RBFOX1: variants seen among roughly 807,000 people sequenced by gnomAD.
RBFOX1 encodes the protein RNA binding fox-1 homolog 1.
A neutral mutation model predicts 57.7 loss-of-function variants in RBFOX1; 8 were observed. The observed-to-expected ratio is 0.14, with a 90% CI of 0.08 to 0.25. The LOEUF is 0.25. Among genes scored for constraint, RBFOX1 ranks in the 10% least tolerant of loss-of-function variants. The pLI, the probability that RBFOX1 is intolerant of heterozygous loss-of-function variation, is 1.00. For missense variants in RBFOX1, 611 were observed against 548.5 expected (o/e 1.11, Z -1.14); for synonymous variants, 326 against 222.4 (o/e 1.47, Z -4.15).
intron 4 of RBFOX1, among the ~76,000 whole-genome samples, chr16:7,325,791 C>A (rs936520212): frequency 6.6e-6 from 1 of 152,200 alleles, no homozygotes; most frequent in South Asian, 2.1e-4. Flanking sequence ...GCCATCCTCT[C>A]CTTCACTGGG....
chr16:5,600,673 T>C (rs528367561), downstream of RBFOX1, among the ~76,000 whole-genome samples: 4 of 152,144 alleles, frequency 2.6e-5, no homozygotes, highest in African/African-American at 9.6e-5. Flanking sequence ...TTGGTGCTTG[T>C]CTATTCCCCC....
At chr16:6,129,567 T>C (rs989422132) in intron 1 of RBFOX1, among the ~76,000 whole-genome samples, 28 of 151,822 alleles carry the variant, frequency 1.8e-4, no homozygotes, top group African/African-American at 6.5e-4. Context: ...ATTGAAAGCA[T>C]AGAGGTAGGG....
intron 3 of RBFOX1, among the ~76,000 whole-genome samples, chr16:6,685,089 C>T (rs776171496): frequency 2.0e-5 from 3 of 152,148 alleles, no homozygotes; most frequent in African/African-American, 7.2e-5. Context: ...CATCCCTCAT[C>T]ATTTCCCTAT....
At chr16:7,671,696 C>A (rs148348705) in intron 13 of RBFOX1, 1 of 1,128,842 alleles carries the variant, frequency 8.9e-7, no homozygotes, top group Non-Finnish European at 1.3e-6. Context: ...GGGAACAGTT[C>A]TCTAACATAG....
chr16:5,549,830 G>C (rs2045385883), intron 2 of RBFOX1, among the ~76,000 whole-genome samples: 1 of 152,154 alleles, frequency 6.6e-6, no homozygotes, highest in Admixed American at 6.5e-5. Context: ...TGAGTTACTG[G>C]GAAGGATGGA....
chr16:6,325,245 G>C (rs1429713998), intron 2 of RBFOX1, among the ~76,000 whole-genome samples: 2 of 152,112 alleles, frequency 1.3e-5, no homozygotes, highest in African/African-American at 4.8e-5. Flanking sequence ...TATGGTCCTA[G>C]CTACTTCAGA....
intron 3 of RBFOX1, among the ~76,000 whole-genome samples, chr16:6,782,331 T>C (rs926132481): frequency 6.6e-6 from 1 of 152,184 alleles, no homozygotes; most frequent in Non-Finnish European, 1.5e-5. Flanking sequence ...TAGTACTGCT[T>C]TTGCTGTATC....
At chr16:6,898,835 G>T (rs1459592010) in intron 3 of RBFOX1, among the ~76,000 whole-genome samples, 1 of 151,216 alleles carries the variant, frequency 6.6e-6, no homozygotes, top group African/African-American at 2.4e-5. Context: ...ATGTGTGTAT[G>T]TGTGTGCATG....
At chr16:6,805,433 T>C (rs2086523850) in intron 3 of RBFOX1, among the ~76,000 whole-genome samples, 1 of 152,068 alleles carries the variant, frequency 6.6e-6, no homozygotes, top group Non-Finnish European at 1.5e-5. Context: ...AAAAATAACT[T>C]GGGTACTTGG....
intron 6 of RBFOX1, among the ~76,000 whole-genome samples, chr16:7,585,444 C>A (rs533861201): frequency 8.5e-5 from 13 of 152,292 alleles, no homozygotes; most frequent in African/African-American, 3.1e-4. Context: ...CAATGTGACC[C>A]CTTTCCATGT....
intron 3 of RBFOX1, among the ~76,000 whole-genome samples, chr16:6,799,806 G>C (rs1006422496): frequency 6.6e-6 from 1 of 152,068 alleles, no homozygotes; most frequent in Non-Finnish European, 1.5e-5. Context: ...TTTGCTAGAG[G>C]CTCTTGGGAC....
intron 2 of RBFOX1, among the ~76,000 whole-genome samples, chr16:6,441,508 C>T (rs989584838): frequency 1.1e-4 from 16 of 152,086 alleles, no homozygotes; most frequent in Non-Finnish European, 1.0e-4. Flanking sequence ...CCTCTGCCTC[C>T]AGGATTCAAG....
At chr16:5,722,990 C>T (rs753614522) in intron 3 of RBFOX1, among the ~76,000 whole-genome samples, 11 of 152,166 alleles carry the variant, frequency 7.2e-5, no homozygotes, top group Non-Finnish European at 1.3e-4. Context: ...CTGCCATATT[C>T]GCATACTTAG....
chr16:6,007,960 C>G (rs531264578), intron 4 of RBFOX1, among the ~76,000 whole-genome samples: 1 of 152,082 alleles, frequency 6.6e-6, no homozygotes, highest in Non-Finnish European at 1.5e-5. Flanking sequence ...CATCTGTAAT[C>G]CCAACACCTT....
chr16:7,121,492 T>G (rs1351281901), intron 4 of RBFOX1, among the ~76,000 whole-genome samples: 1 of 151,990 alleles, frequency 6.6e-6, no homozygotes, highest in Non-Finnish European at 1.5e-5. Context: ...AATGCAATAC[T>G]TAGCTATAAA....
chr16:6,515,076 A>C (rs2096346886), intron 2 of RBFOX1, among the ~76,000 whole-genome samples: 1 of 152,228 alleles, frequency 6.6e-6, no homozygotes, highest in African/African-American at 2.4e-5. Context: ...AAAGAATGGA[A>C]GGAAGGAAAG....
At chr16:7,301,115 T>C (rs1438088838) in intron 4 of RBFOX1, among the ~76,000 whole-genome samples, 2 of 152,188 alleles carry the variant, frequency 1.3e-5, no homozygotes, top group African/African-American at 4.8e-5. Flanking sequence ...CCAGATGCGG[T>C]TTAAAAGGCT....
intron 3 of RBFOX1, among the ~76,000 whole-genome samples, chr16:6,725,057 TC>T (rs67857331): frequency 0.66 from 58,597 of 88,314 alleles, 18,781 homozygotes; most frequent in South Asian, 0.89. Context: ...TTTTTTTTTT[TC>T]TTTTTTTTTT....
intron 2 of RBFOX1, among the ~76,000 whole-genome samples, chr16:5,556,929 C>G (rs1379844273): frequency 6.6e-6 from 1 of 152,176 alleles, no homozygotes; most frequent in African/African-American, 2.4e-5. Context: ...TTCAGCTTTG[C>G]TGAAGCTAGA....
Sources: allele counts gnomAD v4.1 joint callset (sites outside exome capture counted in the v4.1 genomes callset), GRCh38; gene constraint gnomAD v4.1.1; transcripts MANE v1.5; gene names NCBI Gene and HGNC (gene_info 2026-07-23, HGNC 2026-07-21).